Variants in RACGAP1 observed in about 807,000 individuals in gnomAD.
The protein encoded by RACGAP1 is Rac GTPase activating protein 1.
RACGAP1 carries 30 observed loss-of-function variants against 78.1 expected under a neutral mutation model. The observed-to-expected ratio is 0.38, with a 90% CI of 0.29 to 0.52. RACGAP1 has a LOEUF of 0.52. RACGAP1 is among the 20% of genes least tolerant of loss of function. The pLI is 0.82. For synonymous variants in RACGAP1, 231 were observed against 264.8 expected (o/e 0.87, Z 1.24); for missense variants, 587 against 777.1 (o/e 0.76, Z 2.91).
At chr12:50,010,427 A>G (rs9669608) in intron 2 of RACGAP1, among the ~76,000 whole-genome samples, 24,663 of 151,428 alleles carry the variant, frequency 0.16, 3,396 homozygotes, top group African/African-American at 0.38. Flanking sequence ...GGGTTCAAGC[A>G]ATTCTCATTC....
chr12:50,025,967 T>C (rs1950257033), upstream of RACGAP1, among the ~76,000 whole-genome samples: 1 of 152,100 alleles, frequency 6.6e-6, no homozygotes, highest in South Asian at 2.1e-4. Context: ...AGCACTCCAC[T>C]GGGAATCGGA....
At chr12:50,017,208 C>T in intron 1 of RACGAP1, 1 of 464,198 alleles carries the variant, frequency 2.2e-6, no homozygotes, top group Non-Finnish European at 2.8e-6. Flanking sequence ...ACATTTCCTA[C>T]CAAAAGCACA....
At chr12:49,995,315 T>A (rs1948184052) in intron 10 of RACGAP1, among the ~76,000 whole-genome samples, 1 of 151,822 alleles carries the variant, frequency 6.6e-6, no homozygotes, top group Admixed American at 6.6e-5. Flanking sequence ...GCCATTGCAC[T>A]CCAGCCTGGG....
In RACGAP1 at chr12:50,031,721, G is replaced by A. The variant is rs974415163; in HGVS notation, c.-48C>T. ...CCCTCTAGACAGTTTAAACTTAAAC[G>A]CTGATGCCTGGGTCCGTGCCTTTGG... On this transcript the variant is annotated 5_prime_UTR_variant, in exon 2 of 4. Transcript: ENST00000548247. The A allele has an allele frequency of 1.5e-5, 15 of 985,198 alleles. No individual in the cohort carries two copies. In the Admixed American group the frequency reaches 7.4e-4, roughly 49 times the overall value. 61.0% of individuals were successfully genotyped at this position (985,198 alleles called of 1,614,324 possible).
rs1166032842 is a variant in RACGAP1 at position 49,994,144 on chromosome 12, A to G, written c.1326T>C (p.Phe442=). ...PLLTFRLNRA[F]MEAAEITDED... ...ATCTGCCCTTACCTGCTGCTTCCAT[A>G]AAGGCTCTGTTAAGGCGAAAGGTCA... is the stretch of plus-strand genomic sequence containing the variant. The change falls in exon 12 of 17, where the codon TTT becomes TTC. Residue 442 remains phenylalanine (F), a synonymous_variant. Transcript: ENST00000312377. 6.2e-7 allele frequency: 1 copy of G among 1,612,328 alleles called. No homozygotes were observed. Among genetic ancestry groups the G allele is most frequent in the Non-Finnish European group, 8.5e-7 (1 of 1,179,590 alleles).
chr12:50,007,230 T>C (rs1335227905), intron 2 of RACGAP1, among the ~76,000 whole-genome samples: 14 of 150,438 alleles, frequency 9.3e-5, no homozygotes. Context: ...GAAGGGTATG[T>C]AAACATTCCA....
intron 2 of RACGAP1, among the ~76,000 whole-genome samples, chr12:50,009,391 G>A (rs923785335): frequency 1.3e-5 from 2 of 152,014 alleles, no homozygotes; most frequent in Non-Finnish European, 2.9e-5. Context: ...GGTGATCTTT[G>A]ATTTATTTAA....
intron 7 of RACGAP1, among the ~76,000 whole-genome samples, chr12:50,000,278 G>A (rs1336554366): frequency 6.6e-6 from 1 of 152,020 alleles, no homozygotes; most frequent in Non-Finnish European, 1.5e-5. Context: ...CTCCCAAAGT[G>A]CTAGGATTAC....
At chr12:50,002,965 A>C (rs1035458554) in intron 5 of RACGAP1, among the ~76,000 whole-genome samples, 2 of 149,944 alleles carry the variant, frequency 1.3e-5, no homozygotes, top group African/African-American at 2.5e-5. Flanking sequence ...CGGAGCTTGC[A>C]GTGAGCTGAG....
At chr12:50,029,917 A>G (rs896724618), upstream of RACGAP1, among the ~76,000 whole-genome samples, 1 of 152,146 alleles carries the variant, frequency 6.6e-6, no homozygotes, top group Admixed American at 6.5e-5. Context: ...AATAAAAATT[A>G]AAATGCAATT....
intron 2 of RACGAP1, among the ~76,000 whole-genome samples, chr12:50,030,744 T>C (rs1592252644): frequency 6.6e-6 from 1 of 151,940 alleles, no homozygotes; most frequent in Non-Finnish European, 1.5e-5. Flanking sequence ...CAAAACATCA[T>C]GTTGTACATG....
chr12:50,005,161 A>G (rs139258379), intron 4 of RACGAP1, 95 bp downstream of exon 4: 2 of 1,551,660 alleles, frequency 1.3e-6, no homozygotes, highest in East Asian at 2.3e-5. Flanking sequence ...TTCAGCACAC[A>G]TTCTAGAAGA....
At chr12:49,991,480 T>TATATA (rs1555169073) in intron 15 of RACGAP1, among the ~76,000 whole-genome samples, 7 of 13,270 alleles carry the variant, frequency 5.3e-4, no homozygotes, top group African/African-American at 1.1e-3. Flanking sequence ...TATATATATA[T>TATATA]TTTTTTTTTT....
intron 2 of RACGAP1, among the ~76,000 whole-genome samples, chr12:50,008,789 G>A (rs1375639555): frequency 6.6e-6 from 1 of 152,058 alleles, no homozygotes; most frequent in Admixed American, 6.5e-5. Flanking sequence ...CACCATGCCC[G>A]GCCGAAAGAT....
At chr12:50,019,272 C>T (rs1365131756) in intron 1 of RACGAP1, among the ~76,000 whole-genome samples, 1 of 152,174 alleles carries the variant, frequency 6.6e-6, no homozygotes, top group Non-Finnish European at 1.5e-5. Context: ...AGTTGCCACT[C>T]AGATACAAAC....
chr12:50,014,464 A>T (rs1949535095), intron 2 of RACGAP1, among the ~76,000 whole-genome samples: 1 of 152,190 alleles, frequency 6.6e-6, no homozygotes, highest in Non-Finnish European at 1.5e-5. Flanking sequence ...GCGGGAGTGC[A>T]GTGGCACAAT....
intron 10 of RACGAP1, 37 bp from the exon 11 acceptor site, chr12:49,994,546 C>T: frequency 6.3e-7 from 1 of 1,595,378 alleles, no homozygotes; most frequent in Non-Finnish European, 8.5e-7. Flanking sequence ...ATTATTTACG[C>T]CATGTAGACC....
chr12:50,025,669 G>GTTTTTTTTTT, upstream of RACGAP1: 1 of 448,770 alleles, frequency 2.2e-6, no homozygotes, highest in Non-Finnish European at 2.9e-6. Flanking sequence ...GGTTTTTTTT[G>GTTTTTTTTTT]TTTTTTTTTG....
chr12:50,013,842 T>C (rs1229245702), intron 2 of RACGAP1, among the ~76,000 whole-genome samples: 3 of 152,232 alleles, frequency 2.0e-5, no homozygotes, highest in African/African-American at 4.8e-5. Flanking sequence ...CTAGAAGCCC[T>C]GATAGGTTCT....
Sources: allele counts gnomAD v4.1 joint callset (sites outside exome capture counted in the v4.1 genomes callset), GRCh38; gene constraint gnomAD v4.1.1; transcripts MANE v1.5; gene names NCBI Gene and HGNC (gene_info 2026-07-23, HGNC 2026-07-21).